Variants in FUT9 observed in about 807,000 individuals in gnomAD.
FUT9 encodes 4-galactosyl-N-acetylglucosaminide 3-alpha-L-fucosyltransferase 9.
FUT9 carries 15 observed loss-of-function variants against 29.7 expected under a neutral mutation model. The ratio of observed to expected loss-of-function variants is 0.51; its 90% CI spans 0.34 to 0.78. The LOEUF is 0.78. Ranked by LOEUF, FUT9 falls within the 30% of genes least tolerant of loss-of-function variation. The probability of loss-of-function intolerance (pLI) is 0.01; values close to 1 mark genes in which losing one functional copy is unlikely to be tolerated. For synonymous variants in FUT9, 169 were observed against 153.7 expected, an observed-to-expected ratio of 1.10 and a Z score of -0.74; for missense variants, 319 against 425.4, an observed-to-expected ratio of 0.75 and a Z score of 2.20.
intron 2 of FUT9, among the ~76,000 whole-genome samples, chr6:96,129,547 T>C (rs1562135778): frequency 6.6e-6 from 1 of 151,994 alleles, no homozygotes; most frequent in Non-Finnish European, 1.5e-5. Flanking sequence ...CTCAATTTTC[T>C]CTTAAAAATC....
chr6:96,120,508 C>G (rs1772005958), intron 2 of FUT9, among the ~76,000 whole-genome samples: 1 of 149,352 alleles, frequency 6.7e-6, no homozygotes, highest in Non-Finnish European at 1.5e-5. Flanking sequence ...TGGTCTCGAT[C>G]TCCTGACCTC....
chr6:96,136,736 G>T (rs1166440142), intron 2 of FUT9, among the ~76,000 whole-genome samples: 1 of 151,954 alleles, frequency 6.6e-6, no homozygotes, highest in African/African-American at 2.4e-5. Context: ...GTAGTCATAA[G>T]TGTGGTAAAG....
At chr6:96,097,260 A>C (rs1771516349) in intron 1 of FUT9, among the ~76,000 whole-genome samples, 1 of 152,212 alleles carries the variant, frequency 6.6e-6, no homozygotes, top group Non-Finnish European at 1.5e-5. Flanking sequence ...CTGGCACCTA[A>C]TATAGTGTGG....
intron 1 of FUT9, among the ~76,000 whole-genome samples, chr6:96,071,503 T>C (rs551290642): frequency 6.6e-6 from 1 of 152,292 alleles, no homozygotes; most frequent in Non-Finnish European, 1.5e-5. Flanking sequence ...TGATCACAGA[T>C]AAAATAATTC....
At chr6:96,069,464 AAAT>A (rs1322382849) in intron 1 of FUT9, among the ~76,000 whole-genome samples, 2 of 152,146 alleles carry the variant, frequency 1.3e-5, no homozygotes, top group African/African-American at 4.8e-5. Context: ...AGATTTTTAA[AAAT>A]ATAGTTAATT....
At chr6:96,052,741 TA>T (rs1562109032) in intron 1 of FUT9, among the ~76,000 whole-genome samples, 11 of 152,104 alleles carry the variant, frequency 7.2e-5, no homozygotes, top group African/African-American at 2.7e-4. Flanking sequence ...ACACTATAAT[TA>T]AAAGTTTCTA....
rs1189006701 is a variant in FUT9, at chr6:96,129,280, AAAAAAAAAAAAACAAAC to A, written c.-9+15156_-9+15172del. Among the ~76,000 whole-genome samples the A allele has an allele frequency of 6.3e-4, 54 of 85,172 alleles. 5 individuals carry two copies. Among genetic ancestry groups the A allele is most frequent in the African/African-American group, 1.3e-3 (37 of 29,580 alleles). 55.9% of individuals were successfully genotyped at this position (85,172 alleles called of 152,430 possible). Reference sequence around the variant, plus strand: ...ACTCTGTCTCAAAAAAAAAAAAAAAAAAAAAAAAAAAACAAACAACCAGCCATGGTGGCATGTGCCTG... The same window carrying A: ...ACTCTGTCTCAAAAAAAAAAAAAAAAAACCAGCCATGGTGGCATGTGCCTG... On this transcript the variant is annotated intron_variant, in intron 2 of 2. Transcript: ENST00000302103.
intron 2 of FUT9, among the ~76,000 whole-genome samples, chr6:96,154,128 G>A (rs1238795535): frequency 2.0e-5 from 3 of 152,186 alleles, no homozygotes; most frequent in African/African-American, 4.8e-5. Context: ...GGTGATGATA[G>A]TTTATATTAC....
At position 96,179,360 on chromosome 6, in the gene FUT9, T is replaced by C. The variant is rs528935052; in HGVS notation, c.-8-23788T>C. 3.9e-5 allele frequency among the ~76,000 whole-genome samples: 6 copies of C among 152,270 alleles called. No homozygotes were observed. The East Asian group carries it at 7.7e-4, about 20-fold the overall frequency. ...TTGGTTCATGCCTCCATGGAGCTTA[T>C]GGTTTAATAGGGGAGAAACACAGGC... On this transcript the variant is annotated intron_variant, in intron 2 of 2. Coordinates refer to ENST00000302103, the MANE Select transcript of FUT9 (RefSeq NM_006581.4).
At chr6:96,138,120 A>G (rs1772391525) in intron 2 of FUT9, among the ~76,000 whole-genome samples, 2 of 152,192 alleles carry the variant, frequency 1.3e-5, no homozygotes, top group South Asian at 2.1e-4. Context: ...GTGACAAGCT[A>G]CTAAAAGGCA....
intron 2 of FUT9, among the ~76,000 whole-genome samples, chr6:96,172,710 A>C (rs1306756710): frequency 6.6e-6 from 1 of 152,204 alleles, no homozygotes; most frequent in Admixed American, 6.5e-5. Context: ...GCAGCAAACA[A>C]ACAGGTTCTT....
chr6:96,180,281 A>T (rs1471870029), intron 2 of FUT9, among the ~76,000 whole-genome samples: 2 of 151,998 alleles, frequency 1.3e-5, no homozygotes, highest in Non-Finnish European at 2.9e-5. Flanking sequence ...GCATAGTGGC[A>T]TTTTTCTCAG....
chr6:96,140,637 G>T (rs377564121), intron 2 of FUT9, among the ~76,000 whole-genome samples: 16 of 152,266 alleles, frequency 1.1e-4, no homozygotes, highest in African/African-American at 3.6e-4. Flanking sequence ...AGGAGCAAAG[G>T]CACATCTTAC....
chr6:96,027,801 T>C (rs1212456205), intron 1 of FUT9, among the ~76,000 whole-genome samples: 1 of 151,602 alleles, frequency 6.6e-6, no homozygotes, highest in African/African-American at 2.4e-5. Context: ...TCAAGGGCTG[T>C]ATTTTTCTGC....
chr6:96,163,515 C>T (rs898737778), intron 2 of FUT9, among the ~76,000 whole-genome samples: 4 of 152,150 alleles, frequency 2.6e-5, no homozygotes, highest in Admixed American at 1.3e-4. Context: ...TCATAGACTG[C>T]TAAGTGTTCA....
intron 1 of FUT9, among the ~76,000 whole-genome samples, chr6:96,060,053 C>T (rs966455907): frequency 6.6e-6 from 1 of 152,092 alleles, no homozygotes; most frequent in Admixed American, 6.5e-5. Context: ...AGAACAATCG[C>T]CTACTTTCTT....
chr6:96,060,164 C>T (rs1040784714), intron 1 of FUT9, among the ~76,000 whole-genome samples: 6 of 152,190 alleles, frequency 3.9e-5, no homozygotes, highest in African/African-American at 1.4e-4. Context: ...CTGAATTAAA[C>T]CTTTCCATTT....
chr6:96,068,537 A>G (rs1771000695), intron 1 of FUT9, among the ~76,000 whole-genome samples: 1 of 151,836 alleles, frequency 6.6e-6, no homozygotes, highest in African/African-American at 2.4e-5. Context: ...TTGATAATTG[A>G]GACATCATTG....
chr6:96,073,979 G>A (rs886080514), intron 1 of FUT9, among the ~76,000 whole-genome samples: 3 of 152,148 alleles, frequency 2.0e-5, no homozygotes, highest in Non-Finnish European at 1.5e-5. Flanking sequence ...GTATAACTAC[G>A]GCTTGTTTAC....
Sources: gnomAD v4.1 joint callset for allele counts (sites outside exome capture counted in the v4.1 genomes callset) on GRCh38, gnomAD v4.1.1 for gene constraint, MANE v1.5 for transcripts, NCBI Gene and HGNC (gene_info 2026-07-23, HGNC 2026-07-21) for gene names.